PDE11A: variants seen among roughly 807,000 people sequenced by gnomAD.
The protein encoded by PDE11A is dual 3',5'-cyclic-AMP and -GMP phosphodiesterase 11A.
In PDE11A, 100 loss-of-function variants were observed where a neutral mutation model predicts 100.5. The observed-to-expected ratio is 1.00, with a 90% CI of 0.85 to 1.18. The LOEUF (loss-of-function observed/expected upper bound fraction) is 1.18, where lower values mean the gene tolerates loss of function less well. Among genes scored for constraint, PDE11A ranks in the 50% most tolerant of loss-of-function variants. The pLI is 0.00. For synonymous variants in PDE11A, 381 were observed against 420.8 expected, an observed-to-expected ratio of 0.91 and a Z score of 1.16; for missense variants, 1,141 against 1,152.6, an observed-to-expected ratio of 0.99 and a Z score of 0.15.
At chr2:177,646,383 C>T (rs1369190609) in intron 19 of PDE11A, among the ~76,000 whole-genome samples, 1 of 152,184 alleles carries the variant, frequency 6.6e-6, no homozygotes, top group East Asian at 1.9e-4. Context: ...TATTCATGTG[C>T]CCTATGTTCC....
chr2:177,712,379 T>C (rs1340002595), intron 12 of PDE11A, among the ~76,000 whole-genome samples: 1 of 151,438 alleles, frequency 6.6e-6, no homozygotes, highest in African/African-American at 2.4e-5. Flanking sequence ...AGGAGACACT[T>C]TAACATACTC....
intron 19 of PDE11A, among the ~76,000 whole-genome samples, chr2:177,631,738 A>G (rs1482506906): frequency 6.7e-6 from 1 of 150,354 alleles, no homozygotes; most frequent in Non-Finnish European, 1.5e-5. Flanking sequence ...TGGATTTTTA[A>G]GCATTCATAC....
At chr2:177,752,326 G>T (rs1168599046) in intron 10 of PDE11A, among the ~76,000 whole-genome samples, 1 of 152,140 alleles carries the variant, frequency 6.6e-6, no homozygotes, top group Admixed American at 6.5e-5. Flanking sequence ...AGGTTTCAGG[G>T]TAGACTCTTA....
intron 2 of PDE11A, among the ~76,000 whole-genome samples, chr2:177,917,986 C>T (rs1297154130): frequency 6.6e-6 from 1 of 151,944 alleles, no homozygotes; most frequent in African/African-American, 2.4e-5. Context: ...GTGTAAAAGC[C>T]TTGATATAAT....
intron 2 of PDE11A, among the ~76,000 whole-genome samples, chr2:177,977,643 C>T (rs2085826731): frequency 2.9e-5 from 3 of 103,460 alleles, no homozygotes; most frequent in Admixed American, 9.6e-5. Context: ...CAATCCTAAG[C>T]CAAAAGAACA....
chr2:177,935,975 G>A (rs1002852321), intron 2 of PDE11A, among the ~76,000 whole-genome samples: 2 of 152,082 alleles, frequency 1.3e-5, no homozygotes, highest in Non-Finnish European at 2.9e-5. Context: ...CTCAACACAC[G>A]TTGTCTCTTC....
At chr2:177,932,868 A>G (rs971686584) in intron 2 of PDE11A, among the ~76,000 whole-genome samples, 3 of 152,096 alleles carry the variant, frequency 2.0e-5, no homozygotes, top group Non-Finnish European at 4.4e-5. Context: ...GGAAAAGAAG[A>G]AGTCAAACTA....
Position 177,680,843 on chromosome 2 carries a change from G to A in PDE11A, c.2406C>T (p.Asn802=), listed in dbSNP as rs200907058. The change falls in exon 16 of 20, where the codon AAC becomes AAT. Residue 802 remains asparagine (N), a synonymous_variant. Transcript: ENST00000286063. ...SKGEYDWNIK[N]HRDIFRSMLM... Reference sequence around the variant, plus strand: ...TTTCTTACCGAAATATATCACGATGGTTTTTGATGTTCCAATCGTATTCTC... The same window carrying A: ...TTTCTTACCGAAATATATCACGATGATTTTTGATGTTCCAATCGTATTCTC... 3.2e-5 allele frequency: 50 copies of A among 1,577,372 alleles called. No individual in the cohort carries two copies. In the African/African-American group the frequency reaches 5.5e-4, roughly 17 times the overall value.
At chr2:177,997,021 G>T (rs2086084239) in intron 2 of PDE11A, among the ~76,000 whole-genome samples, 2 of 152,154 alleles carry the variant, frequency 1.3e-5, no homozygotes, top group Non-Finnish European at 1.5e-5. Flanking sequence ...TTTTACCTTG[G>T]ATACAACCAT....
chr2:177,709,099 G>A (rs1430205767), intron 13 of PDE11A, among the ~76,000 whole-genome samples: 2 of 152,188 alleles, frequency 1.3e-5, no homozygotes, highest in Non-Finnish European at 2.9e-5. Flanking sequence ...ATAGATGCAT[G>A]AGTAGGGTGA....
intron 2 of PDE11A, among the ~76,000 whole-genome samples, chr2:177,951,754 A>G (rs949579131): frequency 1.3e-5 from 2 of 152,194 alleles, no homozygotes; most frequent in Non-Finnish European, 2.9e-5. Flanking sequence ...AATGGGCAGT[A>G]AGCTTACCTG....
Position 178,066,378 on chromosome 2 carries a change from C to T in PDE11A, c.912+5148G>A, listed in dbSNP as rs984444242. ...GCTTGAGGTTTAATGCTATGCTGTG[C>T]GAGATTCTTAATACTTTTTATCATT... On this transcript the variant is annotated intron_variant, in intron 1 of 19. Coordinates refer to ENST00000286063, the MANE Select transcript of PDE11A (RefSeq NM_016953.4). Among the ~76,000 whole-genome samples, 4 of 152,182 alleles carry T rather than the reference C, an allele frequency of 2.6e-5. No individual in the cohort carries two copies. In the East Asian group the frequency reaches 7.7e-4, roughly 29 times the overall value.
At chr2:177,816,986 G>A in intron 8 of PDE11A, 65 bp from the exon 9 acceptor site, 2 of 928,002 alleles carry the variant, frequency 2.2e-6, no homozygotes, top group East Asian at 2.4e-5. Context: ...TAATATGAAA[G>A]CAGGCAGCCA....
intron 1 of PDE11A, among the ~76,000 whole-genome samples, chr2:178,034,992 A>AAAGCTAGCAGAGGACAAGAAATAACT (rs1266272642): frequency 3.3e-5 from 5 of 152,222 alleles, no homozygotes; most frequent in Non-Finnish European, 7.3e-5. Context: ...AACACATTCA[A>AAAGCTAGCAGAGGACAAGAAATAACT]AAGCTAGCAG....
chr2:177,788,423 A>T (rs1329127411), intron 9 of PDE11A, among the ~76,000 whole-genome samples: 1 of 151,452 alleles, frequency 6.6e-6, no homozygotes, highest in East Asian at 1.9e-4. Flanking sequence ...CTAAATGCCT[A>T]CAAGAGAAAG....
chr2:178,106,892 G>A (rs990020072), intron 1 of PDE11A, among the ~76,000 whole-genome samples: 27 of 143,562 alleles, frequency 1.9e-4, no homozygotes, highest in African/African-American at 5.2e-4. Flanking sequence ...CCCGGGAAGC[G>A]AAGGTTGCAG....
At chr2:177,766,190 A>G (rs1205276471) in intron 10 of PDE11A, among the ~76,000 whole-genome samples, 1 of 152,156 alleles carries the variant, frequency 6.6e-6, no homozygotes, top group East Asian at 1.9e-4. Flanking sequence ...AAATTGTTCT[A>G]CCTCATATCA....
intron 10 of PDE11A, among the ~76,000 whole-genome samples, chr2:177,762,924 T>A (rs1380273903): frequency 6.6e-6 from 1 of 152,296 alleles, no homozygotes. Context: ...AAGACGAGCC[T>A]GGGCTTGCAG....
At chr2:177,686,435 C>T (rs923501840) in intron 15 of PDE11A, among the ~76,000 whole-genome samples, 3 of 152,056 alleles carry the variant, frequency 2.0e-5, no homozygotes, top group Non-Finnish European at 4.4e-5. Flanking sequence ...CATGTGGAGG[C>T]ACACGCCTGT....
Sources: gnomAD v4.1 joint callset for allele counts (sites outside exome capture counted in the v4.1 genomes callset) on GRCh38, gnomAD v4.1.1 for gene constraint, MANE v1.5 for transcripts, NCBI Gene and HGNC (gene_info 2026-07-23, HGNC 2026-07-21) for gene names.